The following ZC3HC1 variants were observed in gnomAD, a reference collection of about 807,000 sequenced individuals.
ZC3HC1 encodes zinc finger C3HC-type protein 1.
In ZC3HC1, 38 loss-of-function variants were observed where a neutral mutation model predicts 61.9. That is an observed-to-expected ratio of 0.61 (90% confidence interval 0.47 to 0.81). ZC3HC1 has a LOEUF of 0.81. Ranked by LOEUF, ZC3HC1 falls within the 30% of genes least tolerant of loss-of-function variation. The pLI, the probability that ZC3HC1 is intolerant of heterozygous loss-of-function variation, is 0.00. For missense variants in ZC3HC1, 554 were observed against 622.7 expected (o/e 0.89, Z 1.17); for synonymous variants, 213 against 229.9 (o/e 0.93, Z 0.67).
chr7:130,036,298 A>G (rs1234405625), intron 4 of ZC3HC1, among the ~76,000 whole-genome samples: 1 of 152,072 alleles, frequency 6.6e-6, no homozygotes, highest in South Asian at 2.1e-4. Flanking sequence ...CAGGTGGATC[A>G]CCTGAGGACA....
intron 4 of ZC3HC1, among the ~76,000 whole-genome samples, chr7:130,032,757 G>GGGAAAGGGAAGGAGGGAAGGGAAGGA (rs1563079451): frequency 1.7e-5 from 1 of 59,222 alleles, no homozygotes; most frequent in Non-Finnish European, 3.1e-5. Flanking sequence ...GAGGGGAAGG[G>GGGAAAGGGAAGGAGGGAAGGGAAGGA]GGGAAGGGAA....
intron 9 of ZC3HC1, among the ~76,000 whole-genome samples, chr7:130,020,706 C>G (rs1005853633): frequency 1.3e-5 from 2 of 152,166 alleles, no homozygotes; most frequent in Non-Finnish European, 2.9e-5. Context: ...AATTATGAGG[C>G]CAACTTTTCC....
At chr7:130,024,143 C>G (rs111751800) in intron 7 of ZC3HC1, 120 bp downstream of exon 7, 20 of 1,366,238 alleles carry the variant, frequency 1.5e-5, no homozygotes, top group Non-Finnish European at 1.9e-5. Flanking sequence ...TATGTGGTAT[C>G]GTAACCAATG....
At position 130,018,601 on chromosome 7, in the gene ZC3HC1, A is replaced by G. The variant is rs1793475030; in HGVS notation, c.*63T>C. ...AGTGTCAGCTGACCGAAAGGAACTC[A>G]GCCTTAATTTTTCAAAAAGTCACTC... On this transcript the variant is annotated 3_prime_UTR_variant, in exon 10 of 10. Transcript: ENST00000358303. The G allele has an allele frequency of 6.9e-7, 1 of 1,454,182 alleles. No individual in the cohort carries two copies. Among genetic ancestry groups the G allele is most frequent in the Non-Finnish European group, 9.6e-7 (1 of 1,046,242 alleles). The allele number at this position is 1,454,182 out of a possible 1,614,324, so 90.1% of individuals were successfully genotyped here.
chr7:130,029,700 C>T (rs1024140117), intron 4 of ZC3HC1, among the ~76,000 whole-genome samples: 2 of 152,262 alleles, frequency 1.3e-5, no homozygotes, highest in African/African-American at 4.8e-5. Context: ...ATTATTTATA[C>T]TATTCCGTGT....
chr7:130,020,709 A>C (rs1436368832), intron 9 of ZC3HC1, among the ~76,000 whole-genome samples: 1 of 152,146 alleles, frequency 6.6e-6, no homozygotes, highest in Non-Finnish European at 1.5e-5. Context: ...TATGAGGCCA[A>C]CTTTTCCCAC....
chr7:130,024,687 C>T (rs1220387932), intron 6 of ZC3HC1, among the ~76,000 whole-genome samples, 181 bp from the exon 7 acceptor site: 1 of 152,074 alleles, frequency 6.6e-6, no homozygotes, highest in Non-Finnish European at 1.5e-5. Context: ...CACATATTTC[C>T]CATAGAAAGA....
chr7:130,050,377 G>A, intron 1 of ZC3HC1: 1 of 1,519,404 alleles, frequency 6.6e-7, no homozygotes, highest in Non-Finnish European at 8.8e-7. Flanking sequence ...CGCGCCCGGC[G>A]ACAGGCATTA....
At chr7:130,048,924 A>T in intron 2 of ZC3HC1, 109 bp downstream of exon 2, 1 of 748,062 alleles carries the variant, frequency 1.3e-6, no homozygotes, top group Non-Finnish European at 1.9e-6. Flanking sequence ...ATAATTTCTT[A>T]CCAAGGTTTT....
intron 4 of ZC3HC1, chr7:130,039,129 G>A (rs1794543504): frequency 4.5e-6 from 1 of 223,574 alleles, no homozygotes. Context: ...CGGATCATCT[G>A]AGGTCAAGAG....
intron 9 of ZC3HC1, among the ~76,000 whole-genome samples, chr7:130,019,781 T>TCCA (rs946673342): frequency 6.8e-6 from 1 of 147,606 alleles, no homozygotes; most frequent in African/African-American, 2.5e-5. Context: ...CACAGTTACC[T>TCCA]CCAGTTTCTC....
At position 130,022,413 on chromosome 7, in the gene ZC3HC1, T is replaced by C; in HGVS notation, c.1346A>G (p.Asp449Gly). 1 of 1,612,908 alleles carries C rather than the reference T, an allele frequency of 6.2e-7. No homozygotes were observed. The highest frequency in any genetic ancestry group is 8.5e-7 in the Non-Finnish European group (1 of 1,179,426). Reference sequence around the variant, plus strand: ...GCCTGGCTCTGCTGGGGCGCTGGCATCTGGTTCAGTTCCACCATTCTCCCT... The same window carrying C: ...GCCTGGCTCTGCTGGGGCGCTGGCACCTGGTTCAGTTCCACCATTCTCCCT... Reference protein sequence around the residue: ...ESRENGGTEPDASAPAEPGWK... With the variant: ...ESRENGGTEPGASAPAEPGWK... Residue 449 changes from aspartate to glycine, a missense_variant, in exon 9 of 10, where the codon GAT becomes GGT. Physicochemically the swap from Asp to Gly is moderately conservative, Grantham distance 94. Transcript: ENST00000358303.
At position 130,026,200 on chromosome 7, in the gene ZC3HC1, T is replaced by C; in HGVS notation, c.734A>G (p.His245Arg). 1 of 1,614,176 alleles carries C rather than the reference T, an allele frequency of 6.2e-7. No individual in the cohort carries two copies. The highest frequency in any genetic ancestry group is 1.1e-5 in the South Asian group (1 of 91,084). Residue 245 changes from histidine (H) to arginine (R), a missense_variant, in exon 6 of 10, where the codon CAC (histidine) becomes CGC (arginine). Physicochemically the swap from His to Arg is conservative, Grantham distance 29. Coordinates refer to ENST00000358303, the MANE Select transcript of ZC3HC1 (RefSeq NM_016478.5). ...TIKLGSDIQV[H>R]VTACILSVCG... Reference sequence around the variant, plus strand: ...CACAGAGAGAATACAGGCAGTGACGTGGACTTGGATGTCTGAGCCTAATTT... The same window carrying C: ...CACAGAGAGAATACAGGCAGTGACGCGGACTTGGATGTCTGAGCCTAATTT...
At chr7:130,040,086 C>T (rs575064913) in intron 3 of ZC3HC1, among the ~76,000 whole-genome samples, 17 of 142,488 alleles carry the variant, frequency 1.2e-4, no homozygotes, top group Admixed American at 2.2e-4. Context: ...TGTCACTCTT[C>T]GTCTAGAAGT....
At chr7:130,022,190 C>CAA (rs573844896) in intron 9 of ZC3HC1, 129 bp downstream of exon 9, 189 of 1,243,828 alleles carry the variant, frequency 1.5e-4, no homozygotes, top group Admixed American at 1.6e-4. Context: ...AACAAACAAA[C>CAA]AAAAAAACCC....
intron 7 of ZC3HC1, 125 bp downstream of exon 7, chr7:130,024,138 G>T: frequency 7.6e-7 from 1 of 1,319,740 alleles, no homozygotes; most frequent in Non-Finnish European, 1.0e-6. Context: ...AACACTATGT[G>T]GTATCGTAAC....
Position 130,039,503 on chromosome 7 carries a change from G to A in ZC3HC1, c.454C>T (p.His152Tyr). Reference sequence around the variant, plus strand: ...TCTGGCCAGAAACAGAACTTCTCATGGGCAGTACACAAGGCTTTCTTCAGC... The same window carrying A: ...TCTGGCCAGAAACAGAACTTCTCATAGGCAGTACACAAGGCTTTCTTCAGC... ...AELKKALCTA[H>Y]EKFCFWPDSP... The change falls in exon 4 of 10, where the codon CAT becomes TAT. Residue 152 changes from histidine to tyrosine, a missense_variant. Physicochemically the swap from His to Tyr is moderately conservative, Grantham distance 83. Coordinates refer to ENST00000358303, the MANE Select transcript of ZC3HC1 (RefSeq NM_016478.5). The A allele has an allele frequency of 6.2e-7, 1 of 1,612,822 alleles. No individual in the cohort carries two copies.
chr7:130,051,333 C>A lies in ZC3HC1; in HGVS notation c.34G>T (p.Val12Leu), dbSNP rs1011434220. The stretch of plus-strand genomic sequence containing the variant: ...GCACCCCAATTCTTTTCAACCCCTA[C>A]GGCAAACGCTTGTCCCTCACAGGGC... ...AAPCEGQAFA[V>L]GVEKNWGAVV... The change falls in exon 1 of 10, where the codon GTA becomes TTA. Residue 12 changes from valine (V) to leucine (L), a missense_variant. Coordinates refer to ENST00000358303, the MANE Select transcript of ZC3HC1 (RefSeq NM_016478.5). 13 of 1,613,416 alleles carry A rather than the reference C, an allele frequency of 8.1e-6. No individual in the cohort carries two copies. The South Asian group carries it at 1.4e-4, about 18-fold the overall frequency.
intron 5 of ZC3HC1, among the ~76,000 whole-genome samples, chr7:130,028,520 T>C (rs111648672): frequency 0.044 from 6,710 of 151,942 alleles, 232 homozygotes; most frequent in African/African-American, 0.1. Context: ...CCAGCCTGGG[T>C]GACAGAAAGA....
Sources: allele counts gnomAD v4.1 joint callset (sites outside exome capture counted in the v4.1 genomes callset), GRCh38; gene constraint gnomAD v4.1.1; transcripts MANE v1.5; gene names NCBI Gene and HGNC (gene_info 2026-07-23, HGNC 2026-07-21).